The following SPRED1 variants were observed in gnomAD, a reference collection of about 807,000 sequenced individuals.
The protein encoded by SPRED1 is sprouty related EVH1 domain containing 1.
Under a neutral mutation model 52.3 loss-of-function variants are expected in SPRED1, and 18 were observed. That is an observed-to-expected ratio of 0.34 (90% CI 0.24 to 0.51). The LOEUF is 0.51. Among genes scored for constraint, SPRED1 ranks in the 20% least tolerant of loss-of-function variants. The pLI, the probability that SPRED1 is intolerant of heterozygous loss-of-function variation, is 0.97. For synonymous variants in SPRED1, 155 were observed against 179.7 expected (o/e 0.86, Z 1.10); for missense variants, 485 against 551.0 (o/e 0.88, Z 1.20).
In SPRED1 at chr15:38,351,273, C is replaced by T. The variant is rs115440602; in HGVS notation, c.944C>T (p.Pro315Leu). Reference sequence around the variant, plus strand: ...GACTCTGTGGTATTTAAGACGCAGCCTTCCTCATTAAAAATTAAGAAGTCA... The same window carrying T: ...GACTCTGTGGTATTTAAGACGCAGCTTTCCTCATTAAAAATTAAGAAGTCA... ...PKDSVVFKTQ[P>L]SSLKIKKSKR... is the part of the protein sequence containing the mutation. The change falls in exon 7 of 7, where the codon CCT (proline) becomes CTT (leucine). Residue 315 changes from proline to leucine, a missense_variant. Transcript: ENST00000299084. 3.5e-5 allele frequency: 57 copies of T among 1,614,060 alleles called. No homozygotes were observed. In the African/African-American group the frequency reaches 7.6e-4, roughly 22 times the overall value.
chr15:38,285,289 TA>T (rs1232990367), intron 1 of SPRED1, among the ~76,000 whole-genome samples: 1 of 152,196 alleles, frequency 6.6e-6, no homozygotes, highest in East Asian at 1.9e-4. Flanking sequence ...TTTGAGTTTT[TA>T]TGTAGGTGTG....
intron 1 of SPRED1, 99 bp from the exon 2 acceptor site, chr15:38,299,272 CAT>C: frequency 8.0e-7 from 1 of 1,250,214 alleles, no homozygotes; most frequent in Non-Finnish European, 1.2e-6. Context: ...TTAGTCACCA[CAT>C]GTTAACTAAT....
intron 1 of SPRED1, among the ~76,000 whole-genome samples, chr15:38,284,206 T>C (rs181404187): frequency 1.3e-5 from 2 of 152,302 alleles, no homozygotes; most frequent in East Asian, 3.9e-4. Context: ...CACATCATAG[T>C]AGTGGCTGAA....
chr15:38,341,739 T>C (rs990071973), intron 5 of SPRED1, among the ~76,000 whole-genome samples: 2 of 152,112 alleles, frequency 1.3e-5, no homozygotes, highest in Non-Finnish European at 2.9e-5. Context: ...TTTTTGATAT[T>C]TGTTGGAACT....
At chr15:38,341,644 G>A (rs150482359) in intron 5 of SPRED1, among the ~76,000 whole-genome samples, 456 of 151,972 alleles carry the variant, frequency 3.0e-3, no homozygotes, top group South Asian at 0.018. Context: ...TATCAGAAAC[G>A]GGTTGTTTCA....
At chr15:38,276,890 C>T (rs1894566478) in intron 1 of SPRED1, among the ~76,000 whole-genome samples, 2 of 152,092 alleles carry the variant, frequency 1.3e-5, no homozygotes, top group Non-Finnish European at 2.9e-5. Context: ...GAACATTCTT[C>T]TGGTCTATAA....
intron 2 of SPRED1, 39 bp from the exon 3 acceptor site, chr15:38,322,202 A>G (rs776741198): frequency 6.3e-7 from 1 of 1,589,900 alleles, no homozygotes; most frequent in South Asian, 1.1e-5. Context: ...GATGCATTTG[A>G]TATATGTATA....
chr15:38,257,812 T>C (rs1012312619), intron 1 of SPRED1, among the ~76,000 whole-genome samples: 11 of 152,212 alleles, frequency 7.2e-5, no homozygotes, highest in African/African-American at 2.7e-4. Context: ...GTGAAATTGA[T>C]CAGGAAAGGG....
chr15:38,349,359 C>G (rs1896204098), intron 5 of SPRED1, 63 bp from the exon 6 acceptor site: 11 of 1,244,676 alleles, frequency 8.8e-6, no homozygotes, highest in Non-Finnish European at 1.3e-5. Context: ...GGAACATACA[C>G]TGTACAGTTT....
chr15:38,258,960 G>T (rs1368155589), intron 1 of SPRED1, among the ~76,000 whole-genome samples: 4 of 152,220 alleles, frequency 2.6e-5, no homozygotes, highest in East Asian at 1.9e-4. Context: ...TCAGTTTGCT[G>T]ATTTATAAAT....
Position 38,304,962 on chromosome 15 carries a change from TGTTGCTAA to T in SPRED1, c.207+5419_207+5426del, listed in dbSNP as rs1264812887. On this transcript the variant is annotated intron_variant, in intron 2 of 6. Coordinates refer to ENST00000299084, the MANE Select transcript of SPRED1 (RefSeq NM_152594.3). Reference sequence around the variant, plus strand: ...TTCATTCATATTTCAGTAGACAATATGTTGCTAAGTTTTTTTTAACCTTAGTTGACAAT... The same window carrying T: ...TTCATTCATATTTCAGTAGACAATATGTTTTTTTTAACCTTAGTTGACAAT... 5.7e-4 allele frequency among the ~76,000 whole-genome samples: 87 copies of T among 152,184 alleles called. 1 individual carries two copies. The highest frequency in any genetic ancestry group is 5.6e-3 in the Admixed American group (86 of 15,278).
At chr15:38,316,168 G>T (rs72711726) in intron 2 of SPRED1, among the ~76,000 whole-genome samples, 2 of 151,630 alleles carry the variant, frequency 1.3e-5, no homozygotes, top group Non-Finnish European at 2.9e-5. Flanking sequence ...ACCTTCTTCC[G>T]CTGTCTCTTA....
In SPRED1 at chr15:38,351,838, C is replaced by T; in HGVS notation, c.*174C>T. 1.3e-6 allele frequency: 1 copy of T among 747,596 alleles called. No homozygotes were observed. The highest frequency in any genetic ancestry group is 2.2e-6 in the Non-Finnish European group (1 of 459,490). 46.3% of individuals were successfully genotyped at this position (747,596 alleles called of 1,614,324 possible). The stretch of plus-strand genomic sequence containing the variant: ...GTTTCACGCCATGCCTAACTTTTCC[C>T]TTGAGTGCATGGCATGTTTTGTTAC... On this transcript the variant is annotated 3_prime_UTR_variant, in exon 7 of 7. Transcript: ENST00000299084.
At chr15:38,283,192 C>T (rs1894730254) in intron 1 of SPRED1, among the ~76,000 whole-genome samples, 1 of 152,062 alleles carries the variant, frequency 6.6e-6, no homozygotes, top group South Asian at 2.1e-4. Flanking sequence ...CCTCACAAGG[C>T]GACAGGAGGG....
rs1888529413 is a variant in SPRED1, at chr15:38,353,053, T to C, written c.*1389T>C. The stretch of plus-strand genomic sequence containing the variant: ...TTTTGTTTTGTTGTTGTTGTTGTTG[T>C]TTTCTTAAGTGTTACATTAAAACTC... On this transcript the variant is annotated 3_prime_UTR_variant, in exon 7 of 7. Coordinates refer to ENST00000299084, the MANE Select transcript of SPRED1 (RefSeq NM_152594.3). 6.6e-6 allele frequency: 1 copy of C among 152,530 alleles called. No individual in the cohort carries two copies. The highest frequency in any genetic ancestry group is 2.4e-5 in the African/African-American group (1 of 41,462). 9.4% of individuals were successfully genotyped at this position (152,530 alleles called of 1,614,324 possible).
chr15:38,337,812 A>G (rs909591387), intron 4 of SPRED1, among the ~76,000 whole-genome samples: 1 of 151,888 alleles, frequency 6.6e-6, no homozygotes, highest in Non-Finnish European at 1.5e-5. Context: ...ATTAAAAGCA[A>G]TATCTTATAA....
At chr15:38,297,050 T>G (rs1182849579) in intron 1 of SPRED1, among the ~76,000 whole-genome samples, 1 of 152,178 alleles carries the variant, frequency 6.6e-6, no homozygotes, top group Non-Finnish European at 1.5e-5. Flanking sequence ...TTGGCCTCTT[T>G]CCAGACAATG....
intron 1 of SPRED1, among the ~76,000 whole-genome samples, chr15:38,269,809 G>A (rs1309489307): frequency 6.6e-6 from 1 of 152,058 alleles, no homozygotes; most frequent in African/African-American, 2.4e-5. Flanking sequence ...AGTGACTGAG[G>A]AGTTAAATTT....
chr15:38,282,246 C>T (rs1204788264), intron 1 of SPRED1, among the ~76,000 whole-genome samples: 3 of 151,642 alleles, frequency 2.0e-5, no homozygotes, highest in Non-Finnish European at 2.9e-5. Context: ...AGGCTGAGGC[C>T]GGTGGATCAC....
Sources: gnomAD v4.1 joint callset for allele counts (sites outside exome capture counted in the v4.1 genomes callset) on GRCh38, gnomAD v4.1.1 for gene constraint, MANE v1.5 for transcripts, NCBI Gene and HGNC (gene_info 2026-07-23, HGNC 2026-07-21) for gene names.